The following RGS6 variants were observed in gnomAD, a reference collection of about 807,000 sequenced individuals.
RGS6 encodes the protein regulator of G protein signaling 6.
Under a neutral mutation model 78.5 loss-of-function variants are expected in RGS6, and 30 were observed. The observed-to-expected ratio is 0.38, with a 90% CI of 0.29 to 0.52. The LOEUF is 0.52. Among genes scored for constraint, RGS6 ranks in the 20% least tolerant of loss-of-function variants. The probability of loss-of-function intolerance (pLI) is 0.85; values close to 1 mark genes in which losing one functional copy is unlikely to be tolerated. For synonymous variants in RGS6, 206 were observed against 206.0 expected (o/e 1.00, Z 0.00); for missense variants, 495 against 609.7 (o/e 0.81, Z 1.98).
At chr14:72,411,839 C>T (rs890939385) in intron 3 of RGS6, among the ~76,000 whole-genome samples, 14 of 152,074 alleles carry the variant, frequency 9.2e-5, no homozygotes, top group African/African-American at 3.4e-4. Flanking sequence ...CGGTTTTTGT[C>T]TTTGGTTCTG....
intron 15 of RGS6, among the ~76,000 whole-genome samples, chr14:72,522,552 T>C (rs760728234): frequency 2.0e-5 from 3 of 152,246 alleles, no homozygotes; most frequent in Admixed American, 6.5e-5. Context: ...ACTATTCGAT[T>C]CTGCATACAA....
chr14:72,134,461 C>T (rs918134199), intron 2 of RGS6, among the ~76,000 whole-genome samples: 1 of 151,460 alleles, frequency 6.6e-6, no homozygotes, highest in Non-Finnish European at 1.5e-5. Flanking sequence ...TCTACAGAAA[C>T]ATTTCCATTT....
chr14:71,917,927 G>A, the RGS6 span, among the ~76,000 whole-genome samples: 44,263 of 151,706 alleles, frequency 0.29, 7,320 homozygotes, highest in East Asian at 0.43. Flanking sequence ...TAATCCCACC[G>A]CTTTGGGAGG....
chr14:72,465,662 G>GGATGGA, intron 6 of RGS6, 96 bp from the exon 7 acceptor site: 5 of 443,040 alleles, frequency 1.1e-5, no homozygotes, highest in South Asian at 6.3e-5. Context: ...GGATGGATGG[G>GGATGGA]TGAATGGGTG....
the RGS6 span, among the ~76,000 whole-genome samples, chr14:71,899,451 A>G: frequency 6.6e-6 from 1 of 152,190 alleles, no homozygotes; most frequent in Non-Finnish European, 1.5e-5. Context: ...CCCAGTATTG[A>G]CTTTACCTCT....
intron 2 of RGS6, among the ~76,000 whole-genome samples, chr14:72,063,660 C>A (rs1289789688): frequency 6.6e-6 from 1 of 152,096 alleles, no homozygotes; most frequent in African/African-American, 2.4e-5. Context: ...AAGAAATTGA[C>A]AGAAGCATCT....
chr14:72,495,270 A>G lies in RGS6; in HGVS notation c.965+8A>G. On this transcript the variant is annotated splice_region_variant and intron_variant, in intron 13 of 17. Coordinates refer to ENST00000553525, the MANE Select transcript of RGS6 (RefSeq NM_001204424.2). Reference sequence around the variant, plus strand: ...GTGGGACATAGAGATGAGGTAAAAAATGTTTTAAGGTTTGGGAGTGGGATG... The same window carrying G: ...GTGGGACATAGAGATGAGGTAAAAAGTGTTTTAAGGTTTGGGAGTGGGATG... The G allele has an allele frequency of 5.7e-6, 9 of 1,574,912 alleles. No homozygotes were observed. Among genetic ancestry groups the G allele is most frequent in the Non-Finnish European group, 7.0e-6 (8 of 1,144,206 alleles).
intron 3 of RGS6, among the ~76,000 whole-genome samples, chr14:72,362,168 C>T (rs74845451): frequency 0.03 from 4,525 of 152,066 alleles, 197 homozygotes; most frequent in African/African-American, 0.1. Flanking sequence ...AAGACTTGAC[C>T]CCTGCTCTTA....
Position 72,425,636 on chromosome 14 carries a change from A to G in RGS6, c.185-28892A>G, listed in dbSNP as rs149596526. Among the ~76,000 whole-genome samples the G allele has an allele frequency of 4.1e-3, 628 of 152,330 alleles. 3 individuals are homozygous for G. Among genetic ancestry groups the G allele is most frequent in the African/African-American group, 0.014 (595 of 41,576 alleles). On this transcript the variant is annotated intron_variant, in intron 3 of 17. Coordinates refer to ENST00000553525, the MANE Select transcript of RGS6 (RefSeq NM_001204424.2). The stretch of plus-strand genomic sequence containing the variant: ...CTAAATGGGGTATCATTTTTTCCCA[A>G]TCAGATTGGCAAAAATAAACAAGAA...
chr14:71,979,884 G>A (rs1400550508), intron 2 of RGS6, among the ~76,000 whole-genome samples: 1 of 147,476 alleles, frequency 6.8e-6, no homozygotes, highest in Non-Finnish European at 1.5e-5. Flanking sequence ...CATTATTAAT[G>A]TGTGGGAGTC....
intron 2 of RGS6, among the ~76,000 whole-genome samples, chr14:72,200,002 C>T (rs2041114989): frequency 6.6e-6 from 1 of 152,140 alleles, no homozygotes; most frequent in African/African-American, 2.4e-5. Context: ...CTGACAGTGC[C>T]CTAGGACCCA....
At chr14:72,024,812 A>G (rs1439494347) in intron 2 of RGS6, among the ~76,000 whole-genome samples, 4 of 152,184 alleles carry the variant, frequency 2.6e-5, no homozygotes, top group African/African-American at 4.8e-5. Flanking sequence ...ATGTGGAGTG[A>G]GTTTAATGTA....
chr14:71,920,195 C>A, the RGS6 span, among the ~76,000 whole-genome samples: 1 of 152,106 alleles, frequency 6.6e-6, no homozygotes, highest in African/African-American at 2.4e-5. Context: ...ACCCATAGGA[C>A]TGAGGAAAAG....
At chr14:72,172,035 G>A (rs1190088849) in intron 2 of RGS6, among the ~76,000 whole-genome samples, 1 of 152,100 alleles carries the variant, frequency 6.6e-6, no homozygotes, top group Admixed American at 6.6e-5. Context: ...GTGGCATTTT[G>A]TGATTCGGGA....
intron 2 of RGS6, among the ~76,000 whole-genome samples, chr14:72,189,909 G>A (rs992933474): frequency 2.6e-5 from 4 of 152,084 alleles, no homozygotes; most frequent in Admixed American, 6.6e-5. Context: ...GGGATATAGG[G>A]CCTCGTTCAT....
At chr14:71,949,363 G>C (rs2092014214) in intron 1 of RGS6, among the ~76,000 whole-genome samples, 1 of 152,036 alleles carries the variant, frequency 6.6e-6, no homozygotes, top group Non-Finnish European at 1.5e-5. Flanking sequence ...TAGCCATTCT[G>C]GTGGGTGCGT....
At chr14:72,186,638 C>T (rs2097252003) in intron 2 of RGS6, among the ~76,000 whole-genome samples, 1 of 152,198 alleles carries the variant, frequency 6.6e-6, no homozygotes, top group African/African-American at 2.4e-5. Context: ...TTCTAACCCT[C>T]CTGCTCTGCC....
rs147668840 is a variant in RGS6 at position 72,266,085 on chromosome 14, C to T, written c.85-86010C>T. Among the ~76,000 whole-genome samples, 467 of 152,234 alleles carry T rather than the reference C, an allele frequency of 3.1e-3. 1 individual carries two copies. The highest frequency in any genetic ancestry group is 0.011 in the African/African-American group (449 of 41,548). ...TATCATCACTCATGATTTTGTGGAT[C>T]GGGAATTCCAGCCGGACTCAGCTGG... On this transcript the variant is annotated intron_variant, in intron 2 of 17. Transcript: ENST00000553525.
At chr14:72,097,162 A>C (rs1393034651) in intron 2 of RGS6, among the ~76,000 whole-genome samples, 1 of 152,224 alleles carries the variant, frequency 6.6e-6, no homozygotes, top group African/African-American at 2.4e-5. Flanking sequence ...TTAACTTAAA[A>C]AATGCTTTTG....
Sources: gnomAD v4.1 joint callset for allele counts (sites outside exome capture counted in the v4.1 genomes callset) on GRCh38, gnomAD v4.1.1 for gene constraint, MANE v1.5 for transcripts, NCBI Gene and HGNC (gene_info 2026-07-23, HGNC 2026-07-21) for gene names.